The following CTCF variants were observed in gnomAD, a reference collection of about 807,000 sequenced individuals.
CTCF encodes the protein CCCTC-binding factor.
CTCF carries 7 observed loss-of-function variants against 72.3 expected under a neutral mutation model. The ratio of observed to expected loss-of-function variants is 0.10; its 90% CI spans 0.06 to 0.18. The LOEUF (loss-of-function observed/expected upper bound fraction) is 0.18. Ranked by LOEUF, CTCF falls within the 10% of genes least tolerant of loss-of-function variation. The pLI is 1.00. For missense variants in CTCF, 516 were observed against 949.1 expected, an observed-to-expected ratio of 0.54 and a Z score of 6.00; for synonymous variants, 374 against 315.8, an observed-to-expected ratio of 1.18 and a Z score of -1.95.
At chr16:67,608,606 C>G (rs1041634206) in intron 2 of CTCF, among the ~76,000 whole-genome samples, 1 of 152,138 alleles carries the variant, frequency 6.6e-6, no homozygotes, top group African/African-American at 2.4e-5. Context: ...TTCTAGAGAT[C>G]TGCTACACAA....
At chr16:67,625,228 C>T (rs1406820228) in intron 7 of CTCF, among the ~76,000 whole-genome samples, 1 of 151,958 alleles carries the variant, frequency 6.6e-6, no homozygotes, top group Non-Finnish European at 1.5e-5. Context: ...CTTTGTCGCC[C>T]AGGCTAGAGT....
chr16:67,601,426 C>T (rs887748025), intron 2 of CTCF, among the ~76,000 whole-genome samples: 1 of 151,440 alleles, frequency 6.6e-6, no homozygotes, highest in Admixed American at 6.6e-5. Flanking sequence ...GCAAGCTCCA[C>T]CTCTCGGGTT....
chr16:67,564,253 G>C (rs972193137), intron 1 of CTCF, among the ~76,000 whole-genome samples: 2 of 152,208 alleles, frequency 1.3e-5, no homozygotes, highest in Non-Finnish European at 2.9e-5. Flanking sequence ...AAATATTCTA[G>C]TGCCTTAATA....
chr16:67,611,130 G>T lies in CTCF; in HGVS notation c.298G>T (p.Val100Phe). ...VDDTQIITLQ[V>F]VNMEEQPINI... ...CGATACCCAGATTATAACTTTACAG[G>T]TTGTAAATATGGAGGAACAGCCCAT... The change falls in exon 3 of 12, where the codon GTT becomes TTT. Residue 100 changes from valine to phenylalanine, a missense_variant. Val to Phe is a conservative substitution (Grantham distance 50). Transcript: ENST00000264010. 1 of 1,614,202 alleles carries T rather than the reference G, an allele frequency of 6.2e-7. No individual in the cohort carries two copies. The highest frequency in any genetic ancestry group is 8.5e-7 in the Non-Finnish European group (1 of 1,180,042).
intron 4 of CTCF, 129 bp downstream of exon 4, chr16:67,612,250 A>G: frequency 1.2e-6 from 1 of 814,942 alleles, no homozygotes; most frequent in Admixed American, 3.4e-5. Flanking sequence ...CCTTTTTGTA[A>G]TCATGATTTT....
At chr16:67,572,493 G>A (rs2051436478) in intron 2 of CTCF, 1 of 152,154 alleles carries the variant, frequency 6.6e-6, no homozygotes, top group South Asian at 2.1e-4. Context: ...GGAATCAGGT[G>A]GTATGATTTC....
At chr16:67,628,697 A>G (rs2052322886) in intron 9 of CTCF, 145 bp downstream of exon 9, 1 of 803,068 alleles carries the variant, frequency 1.2e-6, no homozygotes, top group African/African-American at 1.7e-5. Context: ...CCCCATCTTG[A>G]TGTTTCTATC....
At chr16:67,577,584 C>T (rs1220746628) in intron 2 of CTCF, among the ~76,000 whole-genome samples, 1 of 151,326 alleles carries the variant, frequency 6.6e-6, no homozygotes, top group Non-Finnish European at 1.5e-5. Flanking sequence ...ACTACAGGCG[C>T]CTGCCACCAC....
chr16:67,617,080 G>C (rs1207887805), intron 5 of CTCF, among the ~76,000 whole-genome samples: 1 of 152,214 alleles, frequency 6.6e-6, no homozygotes, highest in African/African-American at 2.4e-5. Context: ...TCAAGTTTCT[G>C]GCTGGGTGCG....
intron 2 of CTCF, among the ~76,000 whole-genome samples, chr16:67,604,909 A>C (rs140378916): frequency 1.7e-4 from 25 of 150,956 alleles, no homozygotes; most frequent in Non-Finnish European, 3.5e-4. Context: ...GAGTATATAA[A>C]ATTAATTATA....
chr16:67,596,590 A>AT (rs2051818342), intron 2 of CTCF, among the ~76,000 whole-genome samples: 1 of 150,548 alleles, frequency 6.6e-6, no homozygotes, highest in South Asian at 2.1e-4. Flanking sequence ...ATTTTATTTT[A>AT]TTTATTTATT....
intron 10 of CTCF, 126 bp from the exon 11 acceptor site, chr16:67,636,564 A>G: frequency 3.3e-6 from 1 of 299,532 alleles, no homozygotes; most frequent in Non-Finnish European, 5.1e-6. Context: ...AAAAAGAAAG[A>G]AAGTGTATAT....
At chr16:67,604,731 T>C (rs889632925) in intron 2 of CTCF, among the ~76,000 whole-genome samples, 1 of 113,142 alleles carries the variant, frequency 8.8e-6, no homozygotes, top group African/African-American at 7.2e-5. Flanking sequence ...TTCACCAGGG[T>C]TTTTTTTTTT....
intron 2 of CTCF, among the ~76,000 whole-genome samples, chr16:67,579,071 A>G (rs1157685700): frequency 6.6e-6 from 1 of 151,902 alleles, no homozygotes; most frequent in African/African-American, 2.4e-5. Flanking sequence ...CCTGACCAAC[A>G]TGGTGAAACC....
At position 67,612,042 on chromosome 16, in the gene CTCF, G is replaced by A. The variant is rs2142828653; in HGVS notation, c.873G>A (p.Glu291=). ...LDRHMKSHTD[E]RPHKCHLCGR... is the part of the protein sequence containing the mutation. ...GTCACATGAAAAGCCACACTGATGA[G>A]AGACCACACAAGTGCCATCTCTGTG... Residue 291 remains glutamate, a synonymous_variant, in exon 4 of 12, where the codon GAG becomes GAA. Transcript: ENST00000264010. 1.2e-6 allele frequency: 2 copies of A among 1,614,158 alleles called. No homozygotes were observed. Among genetic ancestry groups the A allele is most frequent in the Non-Finnish European group, 1.7e-6 (2 of 1,180,028 alleles).
At chr16:67,574,649 T>TC (rs2051470484) in intron 2 of CTCF, among the ~76,000 whole-genome samples, 3 of 139,272 alleles carry the variant, frequency 2.2e-5, no homozygotes, top group Non-Finnish European at 4.6e-5. Context: ...GCCAAAAGCA[T>TC]CTTTTTTTTT....
At chr16:67,608,664 TGAG>T (rs2052011648) in intron 2 of CTCF, among the ~76,000 whole-genome samples, 2 of 152,168 alleles carry the variant, frequency 1.3e-5, no homozygotes, top group Admixed American at 1.3e-4. Context: ...TGAATTATGT[TGAG>T]GATGGATCTC....
intron 2 of CTCF, among the ~76,000 whole-genome samples, chr16:67,604,482 A>G (rs1276865913): frequency 6.6e-6 from 1 of 152,120 alleles, no homozygotes; most frequent in Non-Finnish European, 1.5e-5. Flanking sequence ...AGCTGGGACT[A>G]TAGGCATCCG....
chr16:67,577,962 G>A (rs1217903228), intron 2 of CTCF, among the ~76,000 whole-genome samples: 2 of 152,156 alleles, frequency 1.3e-5, no homozygotes, highest in African/African-American at 4.8e-5. Context: ...TTCTTTGGAA[G>A]AGTCTAATGA....
Sources: gnomAD v4.1 joint callset for allele counts (sites outside exome capture counted in the v4.1 genomes callset) on GRCh38, gnomAD v4.1.1 for gene constraint, MANE v1.5 for transcripts, NCBI Gene and HGNC (gene_info 2026-07-23, HGNC 2026-07-21) for gene names.